Variants in BIRC6 observed in about 807,000 individuals in gnomAD.
The protein encoded by BIRC6 is baculoviral IAP repeat containing 6, also known as dual E2 ubiquitin-conjugating enzyme/E3 ubiquitin-protein ligase BIRC6.
A neutral mutation model predicts 503.3 loss-of-function variants in BIRC6; 98 were observed. The observed-to-expected ratio is 0.19, with a 90% CI of 0.17 to 0.23. The LOEUF (loss-of-function observed/expected upper bound fraction) is 0.23. Ranked by LOEUF, BIRC6 falls within the 10% of genes least tolerant of loss-of-function variation. The pLI is 1.00. For missense variants in BIRC6, 5,360 were observed against 5,806.0 expected (o/e 0.92, Z 2.50); for synonymous variants, 2,240 against 2,078.7 (o/e 1.08, Z -2.11).
intron 9 of BIRC6, among the ~76,000 whole-genome samples, chr2:32,410,819 G>C (rs2041785543): frequency 1.3e-5 from 2 of 149,666 alleles, no homozygotes; most frequent in Non-Finnish European, 1.5e-5. Context: ...TGCTGCCTCA[G>C]CCTCCTGAGT....
Position 32,357,586 on chromosome 2 carries a change from G to T in BIRC6, c.325+100G>T. On this transcript the variant is annotated intron_variant, in intron 1 of 73. Transcript: ENST00000421745. The surrounding 1 kb of genome is among the most constrained non-coding windows in gnomAD (Gnocchi z 4.9). ...CTCGGGGAAGCGAGATGGCGAGAGG[G>T]CAGGGCTGGGGGTTCGGGCCCAGCC... 1 of 1,487,728 alleles carries T rather than the reference G, an allele frequency of 6.7e-7. No individual in the cohort carries two copies. The highest frequency in any genetic ancestry group is 8.9e-7 in the Non-Finnish European group (1 of 1,125,382). The allele number at this position is 1,487,728 out of a possible 1,614,324, so 92.2% of individuals were successfully genotyped here.
chr2:32,485,187 G>C (rs2050856318), intron 39 of BIRC6, among the ~76,000 whole-genome samples: 1 of 152,146 alleles, frequency 6.6e-6, no homozygotes, highest in Non-Finnish European at 1.5e-5. Flanking sequence ...ACAGAGCTAG[G>C]GAGTATGTGT....
intron 65 of BIRC6, among the ~76,000 whole-genome samples, chr2:32,551,313 C>G (rs892886059): frequency 2.0e-5 from 3 of 152,018 alleles, no homozygotes; most frequent in Admixed American, 2.0e-4. Flanking sequence ...GACAGGGTTT[C>G]CCTCTGTCAC....
intron 65 of BIRC6, among the ~76,000 whole-genome samples, chr2:32,560,335 G>A (rs1195606431): frequency 1.3e-5 from 2 of 152,114 alleles, no homozygotes; most frequent in South Asian, 2.1e-4. Flanking sequence ...TCCCAGTCTC[G>A]TGTGCCAGTG....
intron 65 of BIRC6, among the ~76,000 whole-genome samples, chr2:32,559,554 G>A (rs1206586274): frequency 6.6e-6 from 1 of 152,038 alleles, no homozygotes; most frequent in Non-Finnish European, 1.5e-5. Flanking sequence ...GCTTTAACAG[G>A]CAGGTTTTTA....
At chr2:32,542,116 C>G (rs946901891) in intron 61 of BIRC6, among the ~76,000 whole-genome samples, 3 of 148,054 alleles carry the variant, frequency 2.0e-5, no homozygotes, top group Non-Finnish European at 4.5e-5. Context: ...GAAATTATGT[C>G]TATATATATA....
intron 28 of BIRC6, 128 bp downstream of exon 28, chr2:32,468,239 T>G (rs1196741560): frequency 1.9e-6 from 2 of 1,059,544 alleles, no homozygotes; most frequent in East Asian, 2.6e-5. Context: ...AGTAGGAGAT[T>G]AGCACGTTAC....
intron 53 of BIRC6, 115 bp downstream of exon 53, chr2:32,510,749 T>G: frequency 1.4e-6 from 1 of 708,544 alleles, no homozygotes; most frequent in Non-Finnish European, 2.4e-6. Flanking sequence ...CTGTGATATA[T>G]TGTATGTTTA....
rs550747529 is a variant in BIRC6 at position 32,538,729 on chromosome 2, A to G, written c.12292-4512A>G. 1.2e-4 allele frequency among the ~76,000 whole-genome samples: 18 copies of G among 152,278 alleles called. 1 individual carries two copies. The East Asian group carries it at 1.9e-3, about 16-fold the overall frequency. On this transcript the variant is annotated intron_variant, in intron 61 of 73. Transcript: ENST00000421745. ...GCAGATCACCTGAGCTCAGGAGTTC[A>G]AGACCAGCCTGGCCAACATGGTGAA...
At chr2:32,402,670 G>C (rs2149762179) in intron 8 of BIRC6, among the ~76,000 whole-genome samples, 1 of 152,280 alleles carries the variant, frequency 6.6e-6, no homozygotes, top group Non-Finnish European at 1.5e-5. Flanking sequence ...AGCTTAATGG[G>C]AAAGCAGCTT....
At chr2:32,377,284 G>T (rs1220043938) in intron 1 of BIRC6, among the ~76,000 whole-genome samples, 1 of 149,300 alleles carries the variant, frequency 6.7e-6, no homozygotes, top group Non-Finnish European at 1.5e-5. Context: ...TTGAGAGTTG[G>T]TTGCATATAT....
At chr2:32,459,230 C>G (rs932973248) in intron 23 of BIRC6, among the ~76,000 whole-genome samples, 2 of 152,158 alleles carry the variant, frequency 1.3e-5, no homozygotes, top group Non-Finnish European at 2.9e-5. Flanking sequence ...CACTTGGCAA[C>G]CAGTAGATTG....
At chr2:32,597,367 T>C (rs979878000) in intron 68 of BIRC6, among the ~76,000 whole-genome samples, 3 of 152,226 alleles carry the variant, frequency 2.0e-5, no homozygotes, top group Non-Finnish European at 4.4e-5. Context: ...GTGCATGTTT[T>C]ATCAAGTAGC....
chr2:32,599,915 A>AT lies in BIRC6; in HGVS notation c.13992+21dup. On this transcript the variant is annotated intron_variant, in intron 70 of 73. Coordinates refer to ENST00000421745, the MANE Select transcript of BIRC6 (RefSeq NM_016252.4). ...ATGATGGCAAGGTAAATTAATTGCAATTTTTTGTTTCAAATGCCAATGATT... is the reference window on the plus strand; with the variant it reads ...ATGATGGCAAGGTAAATTAATTGCAATTTTTTTGTTTCAAATGCCAATGATT... The AT allele has an allele frequency of 1.2e-6, 2 of 1,606,006 alleles. No individual in the cohort carries two copies. Among genetic ancestry groups the AT allele is most frequent in the Non-Finnish European group, 1.7e-6 (2 of 1,175,904 alleles).
At chr2:32,589,090 C>T (rs1302379344) in intron 66 of BIRC6, among the ~76,000 whole-genome samples, 1 of 151,908 alleles carries the variant, frequency 6.6e-6, no homozygotes, top group Non-Finnish European at 1.5e-5. Context: ...CTCCAATAAG[C>T]AAAAATCGTA....
chr2:32,473,496 T>C (rs1558828128), intron 33 of BIRC6, among the ~76,000 whole-genome samples: 1 of 152,096 alleles, frequency 6.6e-6, no homozygotes, highest in Non-Finnish European at 1.5e-5. Flanking sequence ...GAGGTTGTCA[T>C]TATCTTTTGC....
intron 45 of BIRC6, among the ~76,000 whole-genome samples, chr2:32,494,122 A>G (rs900549774): frequency 6.6e-6 from 1 of 152,242 alleles, no homozygotes; most frequent in Non-Finnish European, 1.5e-5. Context: ...AATTTTGACC[A>G]TAATGGGTTG....
At chr2:32,411,249 G>A (rs1212963062) in intron 9 of BIRC6, among the ~76,000 whole-genome samples, 1 of 150,066 alleles carries the variant, frequency 6.7e-6, no homozygotes, top group Non-Finnish European at 1.5e-5. Flanking sequence ...ATGTTGACCA[G>A]TCTGGTCTCG....
intron 19 of BIRC6, among the ~76,000 whole-genome samples, chr2:32,442,776 C>T (rs2045559007): frequency 6.6e-6 from 1 of 152,120 alleles, no homozygotes; most frequent in South Asian, 2.1e-4. Flanking sequence ...TTTTCTTGCC[C>T]TAAAGTGTTT....
Sources: gnomAD v4.1 joint callset for allele counts (sites outside exome capture counted in the v4.1 genomes callset) on GRCh38, gnomAD v4.1.1 for gene constraint, Gnocchi (gnomAD v3.1) non-coding constraint, MANE v1.5 for transcripts, NCBI Gene and HGNC (gene_info 2026-07-23, HGNC 2026-07-21) for gene names.